The following BCAR3 variants were observed in gnomAD, a reference collection of about 807,000 sequenced individuals.
The protein encoded by BCAR3 is breast cancer anti-estrogen resistance protein 3.
Under a neutral mutation model 80.1 loss-of-function variants are expected in BCAR3, and 37 were observed. The observed-to-expected ratio is 0.46, with a 90% confidence interval of 0.36 to 0.61. The LOEUF is 0.61. BCAR3 is among the 20% of genes least tolerant of loss of function. The pLI is 0.00. For synonymous variants in BCAR3, 389 were observed against 418.9 expected (o/e 0.93, Z 0.87); for missense variants, 978 against 1,068.2 (o/e 0.92, Z 1.18).
chr1:93,847,118 C>T (rs974415851), exon 1 of BCAR3: 3 of 232,348 alleles, frequency 1.3e-5, no homozygotes, highest in African/African-American at 7.2e-5. Context: ...CTCACAGGCG[C>T]GACGTAAAGG....
intron 2 of BCAR3, among the ~76,000 whole-genome samples, chr1:93,800,937 G>A (rs2100788809): frequency 6.6e-6 from 1 of 152,302 alleles, no homozygotes; most frequent in South Asian, 2.1e-4. Flanking sequence ...CGCTGAGGAA[G>A]AACACTCTTT....
chr1:93,717,867 C>T (rs748314376), intron 2 of BCAR3, among the ~76,000 whole-genome samples: 16 of 152,042 alleles, frequency 1.1e-4, no homozygotes, highest in Non-Finnish European at 2.2e-4. Context: ...GTGTGGCCTG[C>T]GTTTTTGGAG....
chr1:93,698,788 C>A (rs1317915917), intron 3 of BCAR3, among the ~76,000 whole-genome samples: 2 of 152,216 alleles, frequency 1.3e-5, no homozygotes, highest in African/African-American at 2.4e-5. Context: ...TGAAAGGGGG[C>A]TGTTGAGTTT....
intron 2 of BCAR3, among the ~76,000 whole-genome samples, chr1:93,724,110 C>A (rs1366626257): frequency 2.0e-5 from 3 of 152,140 alleles, no homozygotes; most frequent in African/African-American, 7.2e-5. Context: ...AGCACTAATC[C>A]CACTGAGCTG....
chr1:93,573,634 T>TTA (rs373686928), intron 8 of BCAR3, among the ~76,000 whole-genome samples: 1,308 of 112,306 alleles, frequency 0.012, 21 homozygotes, highest in African/African-American at 0.049. Flanking sequence ...ATTATTATTA[T>TTA]TTTTTTTTTT....
chr1:93,603,349 G>A (rs916853935), intron 3 of BCAR3, among the ~76,000 whole-genome samples: 5 of 152,322 alleles, frequency 3.3e-5, no homozygotes, highest in African/African-American at 1.2e-4. Context: ...TCTATATATT[G>A]ATTACAACAG....
chr1:93,655,451 G>A (rs1257321662), intron 2 of BCAR3, among the ~76,000 whole-genome samples: 2 of 152,122 alleles, frequency 1.3e-5, no homozygotes, highest in Admixed American at 6.6e-5. Context: ...CTTGATAAAT[G>A]ACTGGCTTTG....
chr1:93,699,067 G>A (rs1045452948), intron 3 of BCAR3, among the ~76,000 whole-genome samples: 1 of 152,156 alleles, frequency 6.6e-6, no homozygotes, highest in African/African-American at 2.4e-5. Flanking sequence ...GCTTTCTGCT[G>A]TACATATATG....
chr1:93,570,313 G>A (rs1673159957), intron 9 of BCAR3, among the ~76,000 whole-genome samples: 1 of 152,308 alleles, frequency 6.6e-6, no homozygotes, highest in East Asian at 1.9e-4. Flanking sequence ...GGATTTCAGA[G>A]CTAACCTGTG....
intron 2 of BCAR3, among the ~76,000 whole-genome samples, chr1:93,662,102 C>G (rs1647688128): frequency 6.6e-6 from 1 of 152,208 alleles, no homozygotes; most frequent in Non-Finnish European, 1.5e-5. Context: ...AACAGAAGCT[C>G]ACTGCTCTGC....
chr1:93,815,220 C>T (rs1024737605), intron 2 of BCAR3, among the ~76,000 whole-genome samples: 1 of 152,130 alleles, frequency 6.6e-6, no homozygotes, highest in Non-Finnish European at 1.5e-5. Flanking sequence ...CCAGAGCTGC[C>T]GCCTCCTCAT....
At chr1:93,582,013 G>A (rs1032948038) in intron 7 of BCAR3, among the ~76,000 whole-genome samples, 5 of 152,262 alleles carry the variant, frequency 3.3e-5, no homozygotes, top group African/African-American at 9.6e-5. Context: ...AGAAGAGGGC[G>A]GCCCCCACCC....
chr1:93,679,271 C>T (rs1220759263), intron 1 of BCAR3, among the ~76,000 whole-genome samples: 3 of 152,214 alleles, frequency 2.0e-5, no homozygotes, highest in Non-Finnish European at 4.4e-5. Flanking sequence ...CTGCTCTTAT[C>T]TATCTTGTCA....
chr1:93,711,704 A>G (rs976256990), intron 2 of BCAR3, among the ~76,000 whole-genome samples: 7 of 152,208 alleles, frequency 4.6e-5, no homozygotes, highest in African/African-American at 1.7e-4. Flanking sequence ...GGCACATAGT[A>G]GAGACTCAAT....
intron 2 of BCAR3, among the ~76,000 whole-genome samples, chr1:93,671,499 ATG>A (rs1297845688): frequency 2.2e-4 from 33 of 152,174 alleles, no homozygotes; most frequent in African/African-American, 7.5e-4. Context: ...ATGAGATGCA[ATG>A]TTTTCAGAGC....
chr1:93,588,423 G>A (rs1674033563), intron 5 of BCAR3, among the ~76,000 whole-genome samples: 1 of 152,004 alleles, frequency 6.6e-6, no homozygotes, highest in Non-Finnish European at 1.5e-5. Context: ...CTCACCCCCG[G>A]TACATCACTG....
intron 6 of BCAR3, among the ~76,000 whole-genome samples, 156 bp downstream of exon 6, chr1:93,583,862 G>A (rs897710785): frequency 2.6e-5 from 4 of 152,104 alleles, no homozygotes; most frequent in East Asian, 1.9e-4. Context: ...TCAGTGCTTC[G>A]CCGCCGGATA....
intron 8 of BCAR3, among the ~76,000 whole-genome samples, chr1:93,572,170 C>G (rs557151263): frequency 6.6e-6 from 1 of 152,234 alleles, no homozygotes; most frequent in South Asian, 2.1e-4. Context: ...CTCCTAGTAC[C>G]CTGTACCATG....
intron 2 of BCAR3, among the ~76,000 whole-genome samples, chr1:93,783,442 T>C (rs1652832638): frequency 6.6e-6 from 1 of 152,132 alleles, no homozygotes; most frequent in Admixed American, 6.5e-5. Flanking sequence ...CAAAGTTCTA[T>C]GAGAATGTTC....
Sources: allele counts gnomAD v4.1 joint callset (sites outside exome capture counted in the v4.1 genomes callset), GRCh38; gene constraint gnomAD v4.1.1; transcripts MANE v1.5; gene names NCBI Gene and HGNC (gene_info 2026-07-23, HGNC 2026-07-21).